Variants in SLC4A5 observed in about 807,000 individuals in gnomAD.
SLC4A5 encodes the protein electrogenic sodium bicarbonate cotransporter 4.
In SLC4A5, 96 loss-of-function variants were observed where a neutral mutation model predicts 120.4. The observed-to-expected ratio is 0.80, with a 90% CI of 0.68 to 0.94. The LOEUF is 0.94. SLC4A5 is among the 40% of genes least tolerant of loss of function. SLC4A5 has a pLI of 0.00. For synonymous variants in SLC4A5, 550 were observed against 571.1 expected, an observed-to-expected ratio of 0.96 and a Z score of 0.53; for missense variants, 1,259 against 1,459.5, an observed-to-expected ratio of 0.86 and a Z score of 2.24.
chr2:74,263,165 G>A (rs888847901), intron 10 of SLC4A5, among the ~76,000 whole-genome samples: 2 of 152,204 alleles, frequency 1.3e-5, no homozygotes, highest in Non-Finnish European at 2.9e-5. Context: ...TCAGCCTCCT[G>A]ATTAGCTGGG....
intron 22 of SLC4A5, among the ~76,000 whole-genome samples, chr2:74,233,804 G>T (rs1670177679): frequency 6.6e-6 from 1 of 152,210 alleles, no homozygotes; most frequent in Admixed American, 6.5e-5. Context: ...CAGCCCTGGG[G>T]TTTGTCAGGA....
At chr2:74,246,972 G>C (rs2103971406) in intron 19 of SLC4A5, 64 bp downstream of exon 19, 5 of 1,578,892 alleles carry the variant, frequency 3.2e-6, no homozygotes, top group Non-Finnish European at 4.3e-6. Flanking sequence ...GAGAGCTGTG[G>C]TGAAGGATCA....
At chr2:74,259,353 C>T (rs1435781724) in intron 12 of SLC4A5, among the ~76,000 whole-genome samples, 1 of 152,166 alleles carries the variant, frequency 6.6e-6, no homozygotes. Context: ...ATCATGTTCT[C>T]TGTCCCACAC....
intron 7 of SLC4A5, among the ~76,000 whole-genome samples, chr2:74,300,434 T>C (rs1204816541): frequency 1.3e-5 from 2 of 152,272 alleles, no homozygotes; most frequent in Non-Finnish European, 2.9e-5. Flanking sequence ...TATCAAATCA[T>C]GTTTTATACC....
intron 14 of SLC4A5, among the ~76,000 whole-genome samples, chr2:74,253,606 CA>C (rs55993038): frequency 5.7e-4 from 81 of 142,214 alleles, no homozygotes; most frequent in Admixed American, 6.3e-4. Flanking sequence ...CCCATTTAGG[CA>C]AAAAAAAAAA....
intron 3 of SLC4A5, among the ~76,000 whole-genome samples, chr2:74,338,307 T>C (rs1322446754): frequency 1.3e-5 from 2 of 152,220 alleles, no homozygotes; most frequent in Admixed American, 1.3e-4. Context: ...ATTTTGAATC[T>C]TGTAACTGTG....
At chr2:74,329,083 G>A (rs1422495727) in intron 4 of SLC4A5, among the ~76,000 whole-genome samples, 1 of 152,122 alleles carries the variant, frequency 6.6e-6, no homozygotes, top group Non-Finnish European at 1.5e-5. Context: ...CTGGCTCTCT[G>A]CTGACAAAAG....
At chr2:74,293,959 G>C (rs537072897) in intron 7 of SLC4A5, among the ~76,000 whole-genome samples, 1 of 152,214 alleles carries the variant, frequency 6.6e-6, no homozygotes, top group African/African-American at 2.4e-5. Context: ...TAAAAGAGCG[G>C]GGAGTAAAAA....
At chr2:74,296,123 T>C (rs943713831) in intron 7 of SLC4A5, among the ~76,000 whole-genome samples, 16 of 152,206 alleles carry the variant, frequency 1.1e-4, no homozygotes, top group African/African-American at 3.9e-4. Flanking sequence ...TAGGGTTTTT[T>C]GCTTGAGTTT....
intron 6 of SLC4A5, chr2:74,307,773 G>A (rs889645846): frequency 9.4e-5 from 55 of 586,388 alleles, no homozygotes; most frequent in East Asian, 1.8e-4. Context: ...TCTCTTTCTC[G>A]TTCTGGATGC....
intron 7 of SLC4A5, among the ~76,000 whole-genome samples, chr2:74,292,418 T>TGCTGG (rs777112453): frequency 4.1e-4 from 63 of 152,172 alleles, no homozygotes; most frequent in Non-Finnish European, 6.6e-4. Context: ...GCTCACCACA[T>TGCTGG]GCTGGGCCAC....
intron 5 of SLC4A5, among the ~76,000 whole-genome samples, chr2:74,316,155 A>G (rs1195753345): frequency 1.3e-5 from 2 of 152,058 alleles, no homozygotes. Flanking sequence ...CACAAGGCTA[A>G]TACATGGATA....
chr2:74,259,533 A>C (rs1373233611), intron 12 of SLC4A5, 55 bp downstream of exon 12: 2 of 1,588,334 alleles, frequency 1.3e-6, no homozygotes, highest in East Asian at 2.2e-5. Flanking sequence ...CCTGAAACCA[A>C]AGACTTTTTC....
chr2:74,276,668 C>CATTACTACAGGTATGAAAGACATA (rs1558890845), intron 8 of SLC4A5, among the ~76,000 whole-genome samples: 2 of 150,162 alleles, frequency 1.3e-5, no homozygotes, highest in Non-Finnish European at 2.9e-5. Flanking sequence ...AAGTGTATAT[C>CATTACTACAGGTATGAAAGACATA]TTCATTACTA....
chr2:74,239,837 C>T (rs571229894), intron 20 of SLC4A5, among the ~76,000 whole-genome samples: 1 of 151,428 alleles, frequency 6.6e-6, no homozygotes, highest in East Asian at 1.9e-4. Context: ...GTGGACGCCT[C>T]CTTCCTGGAG....
At chr2:74,314,539 TAAA>T (rs1240576116) in intron 6 of SLC4A5, among the ~76,000 whole-genome samples, 2 of 152,216 alleles carry the variant, frequency 1.3e-5, no homozygotes, top group African/African-American at 2.4e-5. Context: ...TTTGGGCAGC[TAAA>T]GTCAGCAATT....
Position 74,328,181 on chromosome 2 carries a change from C to G in SLC4A5, c.-64G>C, listed in dbSNP as rs1039670077. The G allele has an allele frequency of 5.1e-6, 5 of 985,904 alleles. No individual in the cohort carries two copies. The South Asian group carries it at 1.9e-4, about 37-fold the overall frequency. The allele number at this position is 985,904 out of a possible 1,614,324, so 61.1% of individuals were successfully genotyped here. A position where few individuals can be genotyped will look rare whatever the true frequency, so the allele number is the denominator to read the frequency against. On this transcript the variant is annotated 5_prime_UTR_variant, in exon 5 of 31. Coordinates refer to ENST00000394019, the Ensembl canonical transcript of SLC4A5. ...CCCAGGGAGGCCAGAACCACTTGCT[C>G]TGTTCCTGTTGGGTGGCAAGAAGGG...
At chr2:74,248,652 A>G (rs1472261446) in intron 17 of SLC4A5, among the ~76,000 whole-genome samples, 166 bp from the exon 18 acceptor site, 1 of 152,070 alleles carries the variant, frequency 6.6e-6, no homozygotes, top group Non-Finnish European at 1.5e-5. Flanking sequence ...ACCCTCCACA[A>G]CTTGCCACCA....
At chr2:74,267,306 A>C (rs1425039410) in intron 8 of SLC4A5, among the ~76,000 whole-genome samples, 1 of 152,188 alleles carries the variant, frequency 6.6e-6, no homozygotes, top group Non-Finnish European at 1.5e-5. Flanking sequence ...GGAAACGATC[A>C]CAGGAATATA....
Sources: gnomAD v4.1 joint callset for allele counts (sites outside exome capture counted in the v4.1 genomes callset) on GRCh38, gnomAD v4.1.1 for gene constraint, MANE v1.5 for transcripts, NCBI Gene and HGNC (gene_info 2026-07-23, HGNC 2026-07-21) for gene names.